TARS1: variants seen among roughly 807,000 people sequenced by gnomAD.
TARS1 encodes the protein threonyl-tRNA synthetase 1.
Under a neutral mutation model 97.7 loss-of-function variants are expected in TARS1, and 57 were observed. The observed-to-expected ratio is 0.58, with a 90% CI of 0.47 to 0.73. TARS1 has a LOEUF of 0.73. TARS1 is among the 30% of genes least tolerant of loss of function. The pLI, the probability that TARS1 is intolerant of heterozygous loss-of-function variation, is 0.00. For missense variants in TARS1, 806 were observed against 888.3 expected (o/e 0.91, Z 1.18); for synonymous variants, 312 against 293.7 (o/e 1.06, Z -0.64).
In TARS1 at chr5:33,453,425, T is replaced by C. The variant is rs371779976; in HGVS notation, c.453+13T>C. On this transcript the variant is annotated intron_variant, in intron 4 of 18. Coordinates refer to ENST00000265112, the MANE Select transcript of TARS1 (RefSeq NM_152295.5). ...GGAAGCTCAGGCAGTAAGTTGCTGA[T>C]TAGTATTCATTGAATTTTAGGATGC... 2.2e-5 allele frequency: 36 copies of C among 1,613,178 alleles called. No individual in the cohort carries two copies. In the Middle Eastern group the frequency reaches 3.0e-3, roughly 133 times the overall value.
chr5:33,464,859 C>T (rs113177776), intron 17 of TARS1, among the ~76,000 whole-genome samples: 7,072 of 151,870 alleles, frequency 0.047, 583 homozygotes, highest in African/African-American at 0.16. Context: ...GGGTGGATCA[C>T]GAGGTCAGGA....
intron 10 of TARS1, 31 bp from the exon 11 acceptor site, chr5:33,459,664 C>T (rs769139636): frequency 1.9e-6 from 3 of 1,610,952 alleles, no homozygotes; most frequent in African/African-American, 1.3e-5. Context: ...CATTTATTTG[C>T]CTACACATGT....
intron 4 of TARS1, among the ~76,000 whole-genome samples, chr5:33,454,142 C>T (rs951077864): frequency 6.6e-6 from 1 of 152,166 alleles, no homozygotes; most frequent in African/African-American, 2.4e-5. Context: ...TGCAAATCTG[C>T]TGGATAACAC....
At chr5:33,464,179 G>A (rs767561253) in intron 17 of TARS1, among the ~76,000 whole-genome samples, 14 of 152,124 alleles carry the variant, frequency 9.2e-5, no homozygotes, top group Non-Finnish European at 1.9e-4. Flanking sequence ...GGCCTCCCGA[G>A]TAGCAGTGAC....
chr5:33,449,622 A>AT (rs1208991322), intron 3 of TARS1, among the ~76,000 whole-genome samples: 1 of 151,072 alleles, frequency 6.6e-6, no homozygotes, highest in Non-Finnish European at 1.5e-5. Flanking sequence ...CGCCCGGCTA[A>AT]TTTTTTGTAT....
chr5:33,464,410 A>G (rs993094902), intron 17 of TARS1, among the ~76,000 whole-genome samples: 2 of 152,202 alleles, frequency 1.3e-5, no homozygotes, highest in African/African-American at 4.8e-5. Flanking sequence ...ATAGCAGACC[A>G]ATGTCTTGCC....
chr5:33,455,319 C>G (rs1741959105), intron 5 of TARS1, among the ~76,000 whole-genome samples: 1 of 152,136 alleles, frequency 6.6e-6, no homozygotes, highest in South Asian at 2.1e-4. Context: ...CTCCCCTCTC[C>G]TTTAAAACCT....
At chr5:33,441,258 CGGA>C in intron 1 of TARS1, 115 bp downstream of exon 1, 1 of 1,292,862 alleles carries the variant, frequency 7.7e-7, no homozygotes. Context: ...CCGCGTGGGT[CGGA>C]GAAGTGGGGG....
At chr5:33,456,874 C>G (rs929185024) in intron 8 of TARS1, among the ~76,000 whole-genome samples, 15 of 152,216 alleles carry the variant, frequency 9.9e-5, no homozygotes, top group African/African-American at 3.4e-4. Context: ...GAATGGAGAT[C>G]GTGCCACTGC....
chr5:33,457,459 G>A lies in TARS1; in HGVS notation c.984+56G>A, dbSNP rs1435028922. 3 of 1,574,378 alleles carry A rather than the reference G, an allele frequency of 1.9e-6. No homozygotes were observed. The Admixed American group carries it at 5.6e-5, about 29-fold the overall frequency. On this transcript the variant is annotated intron_variant, in intron 9 of 18. Coordinates refer to ENST00000265112, the MANE Select transcript of TARS1 (RefSeq NM_152295.5). Reference sequence around the variant, plus strand: ...TGAGTTTTCTTCAACTTCATTTGAAGTTTGAAATTCAGCTGCATGAAGTAC... The same window carrying A: ...TGAGTTTTCTTCAACTTCATTTGAAATTTGAAATTCAGCTGCATGAAGTAC...
chr5:33,456,194 C>T lies in TARS1; in HGVS notation c.804C>T (p.His268=). The T allele has an allele frequency of 6.2e-7, 1 of 1,613,866 alleles. No individual in the cohort carries two copies. Among genetic ancestry groups the T allele is most frequent in the Non-Finnish European group, 8.5e-7 (1 of 1,179,908 alleles). The change falls in exon 8 of 19, where the codon CAC becomes CAT. Residue 268 remains histidine, a synonymous_variant. Coordinates refer to ENST00000265112, the MANE Select transcript of TARS1 (RefSeq NM_152295.5). The part of the protein sequence containing the change: ...IDLCRGPHVR[H]TGKIKALKIH... ...TCTGCCGGGGTCCTCATGTTAGACA[C>T]ACGGGCAAAATTAAGGCTTTAAAAA... is the stretch of plus-strand genomic sequence containing the variant.
intron 6 of TARS1, 26 bp from the exon 7 acceptor site, chr5:33,455,976 A>T: frequency 6.2e-7 from 1 of 1,605,868 alleles, no homozygotes; most frequent in South Asian, 1.1e-5. Flanking sequence ...ACAGTTTTTT[A>T]AAATAATAAT....
intron 9 of TARS1, 50 bp from the exon 10 acceptor site, chr5:33,458,516 A>C (rs758973749): frequency 6.7e-7 from 1 of 1,489,978 alleles, no homozygotes; most frequent in South Asian, 1.2e-5. Context: ...ATATATACAC[A>C]CACGTATACG....
At chr5:33,467,465 T>G in intron 18 of TARS1, 95 bp from the exon 19 acceptor site, 2 of 1,424,128 alleles carry the variant, frequency 1.4e-6, no homozygotes, top group Non-Finnish European at 1.9e-6. Flanking sequence ...ATGGGGTAGG[T>G]TTTGGGTCCT....
At chr5:33,442,411 G>A (rs1741154697) in intron 1 of TARS1, among the ~76,000 whole-genome samples, 1 of 147,938 alleles carries the variant, frequency 6.8e-6, no homozygotes, top group Non-Finnish European at 1.5e-5. Context: ...TTAATTGGAC[G>A]TGATATGTAT....
At chr5:33,457,177 G>C (rs968562190) in intron 8 of TARS1, 80 bp from the exon 9 acceptor site, 13 of 1,511,440 alleles carry the variant, frequency 8.6e-6, no homozygotes, top group Non-Finnish European at 1.1e-5. Flanking sequence ...CTCTAACAAG[G>C]CCTCAAAGCA....
At chr5:33,443,540 T>A (rs900426943) in intron 1 of TARS1, among the ~76,000 whole-genome samples, 1 of 150,632 alleles carries the variant, frequency 6.6e-6, no homozygotes, top group Admixed American at 6.6e-5. Flanking sequence ...TCTCCCAGGC[T>A]GGAGTGCAGT....
intron 4 of TARS1, among the ~76,000 whole-genome samples, chr5:33,454,620 C>G (rs1250254634): frequency 6.6e-6 from 1 of 152,180 alleles, no homozygotes; most frequent in Non-Finnish European, 1.5e-5. Flanking sequence ...CCATTGCAAT[C>G]AATGAGTTAG....
chr5:33,451,038 C>G (rs1032401639), intron 3 of TARS1, among the ~76,000 whole-genome samples: 1 of 152,064 alleles, frequency 6.6e-6, no homozygotes, highest in Non-Finnish European at 1.5e-5. Flanking sequence ...AGCTTGAACT[C>G]GGGAGGTGGA....
Sources: allele counts gnomAD v4.1 joint callset (sites outside exome capture counted in the v4.1 genomes callset), GRCh38; gene constraint gnomAD v4.1.1; transcripts MANE v1.5; gene names NCBI Gene and HGNC (gene_info 2026-07-23, HGNC 2026-07-21).